Variants in DNMT3B observed in about 807,000 individuals in gnomAD.
DNMT3B encodes DNA (cytosine-5)-methyltransferase 3B.
DNMT3B carries 37 observed loss-of-function variants against 120.2 expected under a neutral mutation model. The ratio of observed to expected loss-of-function variants is 0.31; its 90% confidence interval spans 0.24 to 0.40. The LOEUF (loss-of-function observed/expected upper bound fraction) is 0.40, where lower values mean the gene tolerates loss of function less well. Among genes scored for constraint, DNMT3B ranks in the 10% least tolerant of loss-of-function variants. The probability of loss-of-function intolerance (pLI) is 1.00; values close to 1 mark genes in which losing one functional copy is unlikely to be tolerated. For synonymous variants in DNMT3B, 412 were observed against 442.8 expected (o/e 0.93, Z 0.87); for missense variants, 878 against 1,137.3 (o/e 0.77, Z 3.28).
At position 32,786,546 on chromosome 20, in the gene DNMT3B, C is replaced by G. The variant is rs1292171605; in HGVS notation, c.351C>G (p.His117Gln). ...ACAGTGTCTCCAGCCGGGAGAGGCA[C>G]AGGCCTTCCCCACGTTCCACCCGAG... is the stretch of plus-strand genomic sequence containing the variant. ...NNNSVSSRER[H>Q]RPSPRSTRGR... Residue 117 changes from histidine to glutamine, a missense_variant, in exon 5 of 23, where the codon CAC becomes CAG. Physicochemically the swap from His to Gln is conservative, Grantham distance 24. Around this residue, in one of 4 missense-constraint regions of DNMT3B, gnomAD observed 287 missense variants for 306.2 expected, o/e 0.94. Coordinates refer to ENST00000328111, the MANE Select transcript of DNMT3B (RefSeq NM_006892.4). The G allele has an allele frequency of 2.5e-6, 4 of 1,613,924 alleles. No homozygotes were observed. Among genetic ancestry groups the G allele is most frequent in the Middle Eastern group, 1.6e-4 (1 of 6,084 alleles).
chr20:32,784,659 A>C, intron 3 of DNMT3B, 99 bp from the exon 4 acceptor site: 1 of 1,333,746 alleles, frequency 7.5e-7, no homozygotes, highest in Admixed American at 1.9e-5. Context: ...TCTCCCTGCC[A>C]GGCACAGGCG....
At chr20:32,778,346 C>T (rs1988173872) in intron 1 of DNMT3B, among the ~76,000 whole-genome samples, 1 of 141,348 alleles carries the variant, frequency 7.1e-6, no homozygotes, top group Non-Finnish European at 1.5e-5. Context: ...AGCCTGGCGA[C>T]AGAGGGAGAC....
At chr20:32,790,565 T>G (rs1287249243) in intron 7 of DNMT3B, among the ~76,000 whole-genome samples, 2 of 152,166 alleles carry the variant, frequency 1.3e-5, no homozygotes. Flanking sequence ...TTCTCCCCAG[T>G]GGTGGTCACA....
At chr20:32,786,375 A>T in intron 4 of DNMT3B, 127 bp from the exon 5 acceptor site, 1 of 1,338,450 alleles carries the variant, frequency 7.5e-7, no homozygotes, top group Non-Finnish European at 1.0e-6. Context: ...TCACCTGTTC[A>T]CTTCCAGTTG....
intron 10 of DNMT3B, among the ~76,000 whole-genome samples, chr20:32,795,060 CAGT>C (rs999743968): frequency 2.0e-5 from 3 of 152,182 alleles, no homozygotes; most frequent in African/African-American, 4.8e-5. Flanking sequence ...TTCAAGTTCT[CAGT>C]AGCCACCCCC....
chr20:32,764,516 C>A (rs1484205173), intron 1 of DNMT3B, among the ~76,000 whole-genome samples: 1 of 152,182 alleles, frequency 6.6e-6, no homozygotes, highest in Non-Finnish European at 1.5e-5. Flanking sequence ...TTCATGAAGG[C>A]AGCTCTGAAA....
chr20:32,778,414 G>A (rs187809189), intron 1 of DNMT3B, among the ~76,000 whole-genome samples: 6 of 152,222 alleles, frequency 3.9e-5, no homozygotes, highest in East Asian at 3.9e-4. Flanking sequence ...GCTTAGTGGT[G>A]GAGATTTCTC....
rs1982194501 is a variant in DNMT3B, at chr20:32,808,452, T to C, written c.*549T>C. On this transcript the variant is annotated 3_prime_UTR_variant, in exon 23 of 23. Coordinates refer to ENST00000328111, the MANE Select transcript of DNMT3B (RefSeq NM_006892.4). ...CAAGCAGAAGAGAAAATGTTGTATA[T>C]GTCTTTTACCCGGCACATTCCCCTT... 8.3e-6 allele frequency: 2 copies of C among 241,866 alleles called. No homozygotes were observed. Among genetic ancestry groups the C allele is most frequent in the East Asian group, 1.2e-4 (2 of 16,704 alleles). The allele number at this position is 241,866 out of a possible 1,614,324, so 15.0% of individuals were successfully genotyped here.
At chr20:32,793,644 T>A (rs759902349) in intron 10 of DNMT3B, 49 bp downstream of exon 10, 1 of 1,597,558 alleles carries the variant, frequency 6.3e-7, no homozygotes. Context: ...ATGCACTTTC[T>A]TCTGATTTCT....
intron 4 of DNMT3B, among the ~76,000 whole-genome samples, chr20:32,786,058 A>G (rs766136935): frequency 5.3e-5 from 8 of 151,964 alleles, no homozygotes; most frequent in Admixed American, 1.3e-4. Context: ...TAATTTTTGC[A>G]TTTTTAGTAG....
At chr20:32,801,190 C>T in intron 18 of DNMT3B, 88 bp from the exon 19 acceptor site, 1 of 1,596,348 alleles carries the variant, frequency 6.3e-7, no homozygotes, top group Non-Finnish European at 8.6e-7. Flanking sequence ...GTCAGGAGGC[C>T]ATTGGGAACC....
intron 12 of DNMT3B, among the ~76,000 whole-genome samples, chr20:32,796,527 A>G (rs1284959747): frequency 6.6e-6 from 1 of 152,178 alleles, no homozygotes; most frequent in Non-Finnish European, 1.5e-5. Context: ...CACACCAGGG[A>G]GGTCCCCCTG....
chr20:32,778,715 GT>G (rs1458592154), intron 1 of DNMT3B, among the ~76,000 whole-genome samples: 2 of 152,212 alleles, frequency 1.3e-5, no homozygotes, highest in Non-Finnish European at 2.9e-5. Flanking sequence ...AGGTACCCTG[GT>G]TTGAGATGCT....
In DNMT3B at chr20:32,800,281, A is replaced by C; in HGVS notation, c.1888A>C (p.Asn630His). ...GNIKYVNDVR[N>H]ITKKNIEEWG... Reference sequence around the variant, plus strand: ...TATCAAATACGTGAACGACGTGAGGAACATCACAAAGAAAAATGTGAGGGC... The same window carrying C: ...TATCAAATACGTGAACGACGTGAGGCACATCACAAAGAAAAATGTGAGGGC... Residue 630 changes from asparagine to histidine, a missense_variant, in exon 17 of 23, where the codon AAC becomes CAC. Physicochemically the swap from Asn to His is moderately conservative, Grantham distance 68. Transcript: ENST00000328111. 1.2e-6 allele frequency: 2 copies of C among 1,614,192 alleles called. No individual in the cohort carries two copies. Among genetic ancestry groups the C allele is most frequent in the Non-Finnish European group, 1.7e-6 (2 of 1,180,034 alleles).
chr20:32,796,880 C>T lies in DNMT3B; in HGVS notation c.1377+11C>T, dbSNP rs1980687771. 6.2e-7 allele frequency: 1 copy of T among 1,613,812 alleles called. No individual in the cohort carries two copies. ...TGTCAGACATGCCGGGTAAGTCCTCCTACTACTGCCCTGGACCTTCCTCCC... is the reference window on the plus strand; with the variant it reads ...TGTCAGACATGCCGGGTAAGTCCTCTTACTACTGCCCTGGACCTTCCTCCC... On this transcript the variant is annotated intron_variant, in intron 13 of 22. Transcript: ENST00000328111.
At position 32,792,789 on chromosome 20, in the gene DNMT3B, G is replaced by A. The variant is rs2145983298; in HGVS notation, c.1066+19G>A. On this transcript the variant is annotated intron_variant, in intron 9 of 22. Coordinates refer to ENST00000328111, the MANE Select transcript of DNMT3B (RefSeq NM_006892.4). ...CAACCAGGTGGGAATGAGTCCCCAT[G>A]GCAGCACCCGCTGCCTCTGCTGGTG... 1.9e-6 allele frequency: 3 copies of A among 1,613,800 alleles called. No homozygotes were observed. The highest frequency in any genetic ancestry group is 2.5e-6 in the Non-Finnish European group (3 of 1,179,948).
chr20:32,793,735 T>G, intron 10 of DNMT3B, 140 bp downstream of exon 10: 1 of 942,346 alleles, frequency 1.1e-6, no homozygotes, highest in South Asian at 1.4e-5. Flanking sequence ...TCCCCTCACA[T>G]CCCACCCTCA....
In DNMT3B at chr20:32,800,311, T is replaced by G. The variant is rs1335256615; in HGVS notation, c.1905+13T>G. The stretch of plus-strand genomic sequence containing the variant: ...CACAAAGAAAAATGTGAGGGCAGTC[T>G]GTACCTTGCGGGCCTCATCTCTTCC... On this transcript the variant is annotated intron_variant, in intron 17 of 22. Transcript: ENST00000328111. The G allele has an allele frequency of 6.2e-7, 1 of 1,613,994 alleles. No individual in the cohort carries two copies. Among genetic ancestry groups the G allele is most frequent in the Non-Finnish European group, 8.5e-7 (1 of 1,179,994 alleles).
At chr20:32,768,226 A>C (rs1370522462) in intron 1 of DNMT3B, among the ~76,000 whole-genome samples, 3 of 129,524 alleles carry the variant, frequency 2.3e-5, no homozygotes, top group African/African-American at 6.0e-5. Context: ...ATGGAGTTTC[A>C]CTCTTGTCGC....
Sources: allele counts gnomAD v4.1 joint callset (sites outside exome capture counted in the v4.1 genomes callset), GRCh38; gene constraint gnomAD v4.1.1; regional missense constraint gnomAD v4.1.1; transcripts MANE v1.5; gene names NCBI Gene and HGNC (gene_info 2026-07-23, HGNC 2026-07-21).